The following WASF2 variants were observed in gnomAD, a reference collection of about 807,000 sequenced individuals.
WASF2 encodes the protein WASP family member 2, also known as actin-binding protein WASF2.
WASF2 carries 14 observed loss-of-function variants against 45.0 expected under a neutral mutation model. That is an observed-to-expected ratio of 0.31 (90% confidence interval 0.21 to 0.49). The LOEUF (loss-of-function observed/expected upper bound fraction) is 0.49, where lower values mean the gene tolerates loss of function less well. Ranked by LOEUF, WASF2 falls within the 20% of genes least tolerant of loss-of-function variation. The probability of loss-of-function intolerance (pLI) is 0.99; values close to 1 mark genes in which losing one functional copy is unlikely to be tolerated. For synonymous variants in WASF2, 200 were observed against 236.3 expected (o/e 0.85, Z 1.41); for missense variants, 439 against 636.1 (o/e 0.69, Z 3.33).
chr1:27,487,612 T>A (rs1204251302), intron 1 of WASF2, among the ~76,000 whole-genome samples: 1 of 98,588 alleles, frequency 1.0e-5, no homozygotes, highest in African/African-American at 4.2e-5. Context: ...ATAATATATA[T>A]TATATATATT....
At position 27,405,119 on chromosome 1, in the gene WASF2, G is replaced by T. The variant is rs768420852; in HGVS notation, c.*3070C>A. On this transcript the variant is annotated 3_prime_UTR_variant, in exon 9 of 9. Transcript: ENST00000618852. ...CTGGCACTGCAGAGTCAGAGGATGG[G>T]CGCCACGGGAAGAGATTTCACATTA... 6.6e-6 allele frequency: 1 copy of T among 152,370 alleles called. No homozygotes were observed. Among genetic ancestry groups the T allele is most frequent in the Non-Finnish European group, 1.5e-5 (1 of 68,090 alleles). 9.4% of individuals were successfully genotyped at this position (152,370 alleles called of 1,614,324 possible).
At chr1:27,432,744 A>G (rs2148114167) in intron 1 of WASF2, among the ~76,000 whole-genome samples, 1 of 151,430 alleles carries the variant, frequency 6.6e-6, no homozygotes, top group East Asian at 1.9e-4. Context: ...ACTGATAAAT[A>G]TTTTATCTTA....
At chr1:27,470,251 C>T (rs2017671477) in intron 1 of WASF2, among the ~76,000 whole-genome samples, 1 of 152,162 alleles carries the variant, frequency 6.6e-6, no homozygotes, top group African/African-American at 2.4e-5. Context: ...TGAGTTTGTA[C>T]TTTAGTCAAT....
At chr1:27,439,783 C>T (rs535732919) in intron 1 of WASF2, among the ~76,000 whole-genome samples, 1 of 151,656 alleles carries the variant, frequency 6.6e-6, no homozygotes, top group East Asian at 2.0e-4. Context: ...AGGATCACTT[C>T]AGCCTAGGAG....
intron 1 of WASF2, among the ~76,000 whole-genome samples, chr1:27,477,912 A>AATCTGTTGC (rs1474333680): frequency 1.1e-5 from 1 of 90,504 alleles, no homozygotes; most frequent in Non-Finnish European, 1.8e-5. Context: ...AAAAAAAAAT[A>AATCTGTTGC]AATAAATAAA....
intron 1 of WASF2, among the ~76,000 whole-genome samples, chr1:27,488,975 T>C (rs1031654804): frequency 6.6e-6 from 1 of 152,156 alleles, no homozygotes; most frequent in African/African-American, 2.4e-5. Context: ...TGACACCTAG[T>C]AGGGCTGCCA....
intron 1 of WASF2, among the ~76,000 whole-genome samples, chr1:27,446,559 T>A (rs899639809): frequency 1.3e-5 from 2 of 152,112 alleles, no homozygotes; most frequent in Non-Finnish European, 2.9e-5. Flanking sequence ...GGCAGGCAGA[T>A]CACTTGAGCC....
At chr1:27,437,036 G>C (rs1347189278) in intron 1 of WASF2, among the ~76,000 whole-genome samples, 1 of 152,162 alleles carries the variant, frequency 6.6e-6, no homozygotes, top group Non-Finnish European at 1.5e-5. Flanking sequence ...CTTACTCCTT[G>C]AGCATAAGGT....
At position 27,407,734 on chromosome 1, in the gene WASF2, T is replaced by C. The variant is rs2016698579; in HGVS notation, c.*455A>G. On this transcript the variant is annotated 3_prime_UTR_variant, in exon 9 of 9. Transcript: ENST00000618852. ...CCTTCGGCCTACTCTGCCCTTTCAG[T>C]GCGCGGGAAAGGGGTCAGCTGTGTT... The C allele has an allele frequency of 6.4e-6, 1 of 156,362 alleles. No homozygotes were observed. Among genetic ancestry groups the C allele is most frequent in the Non-Finnish European group, 1.4e-5 (1 of 70,828 alleles). The allele number at this position is 156,362 out of a possible 1,614,324, so 9.7% of individuals were successfully genotyped here.
At chr1:27,482,872 A>T (rs7517373) in intron 1 of WASF2, among the ~76,000 whole-genome samples, 2,540 of 152,218 alleles carry the variant, frequency 0.017, 71 homozygotes, top group African/African-American at 0.057. Context: ...GTAGCTCACA[A>T]CAGGGAGAAA....
Position 27,409,697 on chromosome 1 carries a change from C to G in WASF2, c.1334G>C (p.Arg445Pro). The change falls in exon 8 of 9, where the codon CGT becomes CCT. Residue 445 changes from arginine to proline, a missense_variant. Coordinates refer to ENST00000618852, the MANE Select transcript of WASF2 (RefSeq NM_006990.5). ...AACCCACCATTGAAATTTACCTTGA[C>G]GGATGGCTGAAAGCAGGTCGCTACG... ...DARSDLLSAI[R>P]QGFQLRRVEE... 1 of 1,493,420 alleles carries G rather than the reference C, an allele frequency of 6.7e-7. No homozygotes were observed. The allele number at this position is 1,493,420 out of a possible 1,614,324, so 92.5% of individuals were successfully genotyped here. A position where few individuals can be genotyped will look rare whatever the true frequency, so the allele number is the denominator to read the frequency against.
At chr1:27,449,231 C>G (rs1255637852) in intron 1 of WASF2, among the ~76,000 whole-genome samples, 1 of 152,158 alleles carries the variant, frequency 6.6e-6, no homozygotes, top group East Asian at 1.9e-4. Flanking sequence ...ACTGTGAGTT[C>G]TCTGAGGCTG....
At chr1:27,486,107 G>C (rs2017919871) in intron 1 of WASF2, among the ~76,000 whole-genome samples, 1 of 152,082 alleles carries the variant, frequency 6.6e-6, no homozygotes, top group African/African-American at 2.4e-5. Flanking sequence ...TTCATTTGGA[G>C]GCAAAACCTG....
intron 1 of WASF2, among the ~76,000 whole-genome samples, chr1:27,445,554 T>A (rs946987487): frequency 2.6e-5 from 4 of 152,212 alleles, no homozygotes; most frequent in African/African-American, 4.8e-5. Flanking sequence ...AAAACTGAAA[T>A]GGTGTTAATG....
intron 1 of WASF2, among the ~76,000 whole-genome samples, chr1:27,476,356 T>C (rs187393815): frequency 2.0e-5 from 3 of 152,304 alleles, no homozygotes; most frequent in African/African-American, 7.2e-5. Flanking sequence ...CTTTTACTCA[T>C]GGCAGAAGGA....
Position 27,409,898 on chromosome 1 carries a change from A to C in WASF2, c.1133T>G (p.Leu378Arg). The C allele has an allele frequency of 6.3e-7, 1 of 1,579,418 alleles. No individual in the cohort carries two copies. Among genetic ancestry groups the C allele is most frequent in the Non-Finnish European group, 8.6e-7 (1 of 1,159,638 alleles). Residue 378 changes from leucine to arginine, a missense_variant, in exon 8 of 9, where the codon CTG becomes CGG. Leu to Arg is a moderately radical substitution (Grantham distance 102). Coordinates refer to ENST00000618852, the MANE Select transcript of WASF2 (RefSeq NM_006990.5). ...TGGCTGGGACAAGGGAGGTGGTGGC[A>C]GAGTTGGGTAGTCAGCTGCTGGTGG... ...PPPPAADYPTLPPPPLSQPTG... is the reference protein window; with the variant it reads ...PPPPAADYPTRPPPPLSQPTG...
intron 1 of WASF2, among the ~76,000 whole-genome samples, chr1:27,460,118 T>C (rs550265415): frequency 7.2e-5 from 11 of 152,336 alleles, no homozygotes; most frequent in Admixed American, 6.5e-4. Flanking sequence ...TTGATGACAG[T>C]AATATTTCTC....
chr1:27,412,511 C>T (rs546629114), intron 7 of WASF2, 61 bp downstream of exon 7: 25 of 1,601,522 alleles, frequency 1.6e-5, no homozygotes, highest in Non-Finnish European at 2.1e-5. Context: ...GCTCCTGGTC[C>T]ATTCTTTTGT....
intron 1 of WASF2, among the ~76,000 whole-genome samples, chr1:27,435,229 A>G (rs2017120980): frequency 6.6e-6 from 1 of 152,020 alleles, no homozygotes; most frequent in Admixed American, 6.6e-5. Flanking sequence ...TACGGGCGTG[A>G]GCCACCATGC....
Sources: allele counts gnomAD v4.1 joint callset (sites outside exome capture counted in the v4.1 genomes callset), GRCh38; gene constraint gnomAD v4.1.1; transcripts MANE v1.5; gene names NCBI Gene and HGNC (gene_info 2026-07-23, HGNC 2026-07-21).